BCOR: variants seen among roughly 807,000 people sequenced by gnomAD.
BCOR encodes BCL6 corepressor.
BCOR carries 10 observed loss-of-function variants against 86.7 expected under a neutral mutation model. The ratio of observed to expected loss-of-function variants is 0.12; its 90% CI spans 0.07 to 0.20. The LOEUF (loss-of-function observed/expected upper bound fraction) is 0.20, where lower values mean the gene tolerates loss of function less well. BCOR is among the 10% of genes least tolerant of loss of function. The pLI is 1.00. For synonymous variants in BCOR, 611 were observed against 609.0 expected, an observed-to-expected ratio of 1.00 and a Z score of -0.05; for missense variants, 1,259 against 1,452.1, an observed-to-expected ratio of 0.87 and a Z score of 2.16.
chrX:40,054,108 C>T (rs1934466352), intron 13 of BCOR, 66 bp from the exon 14 acceptor site: 1 of 1,158,452 alleles, frequency 8.6e-7, no homozygotes. Flanking sequence ...CAGTTGTCAA[C>T]AACAACAAGG....
chrX:40,145,132 C>A (rs900512849), intron 1 of BCOR, among the ~76,000 whole-genome samples: 5 of 111,376 alleles, frequency 4.5e-5, no homozygotes, highest in African/African-American at 9.8e-5. Flanking sequence ...ACGGAGCTGC[C>A]AGGAGTCGGG....
chrX:40,112,826 TTAGA>T (rs1937333195), intron 1 of BCOR, among the ~76,000 whole-genome samples: 1 of 111,295 alleles, frequency 9.0e-6, no homozygotes, highest in Non-Finnish European at 1.9e-5. Flanking sequence ...CAAATGTCTC[TTAGA>T]TAGAGAAGAG....
chrX:40,073,932 C>T lies in BCOR; in HGVS notation c.1414G>A (p.Gly472Arg). The stretch of plus-strand genomic sequence containing the variant: ...CTTCCGGAGAGCACTAAGCCACTTC[C>T]AGCCCTGCTGTGAACCAGGACCGTG... Reference protein sequence around the residue: ...APTVLVHSRAGSGLVLSGSEI... With the variant: ...APTVLVHSRARSGLVLSGSEI... Residue 472 changes from glycine to arginine, a missense_variant, in exon 4 of 15, where the codon GGA becomes AGA. Gly to Arg is a moderately radical substitution (Grantham distance 125). Transcript: ENST00000378444. The T allele has an allele frequency of 8.2e-7, 1 of 1,212,414 alleles. No homozygotes were observed. The highest frequency in any genetic ancestry group is 1.1e-6 in the Non-Finnish European group (1 of 895,665).
intron 10 of BCOR, 68 bp downstream of exon 10, chrX:40,062,071 T>C (rs1934903054): frequency 1.6e-5 from 18 of 1,147,646 alleles, no homozygotes; most frequent in Non-Finnish European, 2.1e-5. Context: ...GTCCCTCCCC[T>C]CGCCCACCAC....
chrX:40,092,905 G>A (rs1936684061), intron 1 of BCOR, among the ~76,000 whole-genome samples: 1 of 112,375 alleles, frequency 8.9e-6, no homozygotes, highest in African/African-American at 3.2e-5. Context: ...TACCCAAGTC[G>A]GTCTCACTCA....
chrX:40,077,956 T>C lies in BCOR; in HGVS notation c.-27A>G, dbSNP rs1935893245. ...TCGTCTTCTGGGATGGCAGCTTTGC[T>C]TCAAGCGTCTAGTCTGTTAAAAGGA... On this transcript the variant is annotated 5_prime_UTR_variant, in exon 2 of 15. Transcript: ENST00000378444. 1 of 1,145,075 alleles carries C rather than the reference T, an allele frequency of 8.7e-7. No individual in the cohort carries two copies. Among genetic ancestry groups the C allele is most frequent in the African/African-American group, 1.8e-5 (1 of 56,231 alleles). The allele number at this position is 1,145,075 out of a possible 1,213,427, so 94.4% of individuals were successfully genotyped here.
At chrX:40,135,357 T>C (rs1032101579) in intron 1 of BCOR, among the ~76,000 whole-genome samples, 2 of 110,636 alleles carry the variant, frequency 1.8e-5, no homozygotes, top group Non-Finnish European at 3.8e-5. Context: ...AAGAAAGGTC[T>C]CCATTCCATC....
intron 1 of BCOR, among the ~76,000 whole-genome samples, chrX:40,105,096 T>G (rs1937148782): frequency 9.0e-6 from 1 of 110,863 alleles, no homozygotes; most frequent in South Asian, 3.6e-4. Context: ...GCCCGCCATA[T>G]CAGCAGCAGC....
chrX:40,126,330 C>T (rs1460381204), intron 1 of BCOR, among the ~76,000 whole-genome samples: 2 of 109,264 alleles, frequency 1.8e-5, no homozygotes, highest in African/African-American at 6.7e-5. Context: ...TCGAGACCAG[C>T]CTGGCTAACA....
intron 1 of BCOR, among the ~76,000 whole-genome samples, chrX:40,091,594 A>G (rs1602198480): frequency 8.8e-6 from 1 of 113,106 alleles, no homozygotes; most frequent in Admixed American, 9.2e-5. Context: ...TCCACCCAAC[A>G]AAAAGTAAGA....
At chrX:40,138,405 T>C (rs1167513787) in intron 1 of BCOR, among the ~76,000 whole-genome samples, 2 of 111,977 alleles carry the variant, frequency 1.8e-5, no homozygotes, top group Non-Finnish European at 3.8e-5. Context: ...GTCTCTCTCA[T>C]GGTTACCAAG....
rs190248708 is a variant in BCOR at position 40,174,182 on chromosome X, C to T, written c.-41+2825G>A. On this transcript the variant is annotated intron_variant, in intron 1 of 14. Coordinates refer to the BCOR transcript ENST00000342274. ...AAGTGGCTACCGGCGTTTGCCTAAT[C>T]ACTGAAATGTGCTGGCAGTGCGCTC... is the stretch of plus-strand genomic sequence containing the variant. Among the ~76,000 whole-genome samples the T allele has an allele frequency of 5.7e-3, 641 of 112,770 alleles. 4 individuals carry two copies. The highest frequency in any genetic ancestry group is 0.02 in the African/African-American group (610 of 31,125).
intron 1 of BCOR, among the ~76,000 whole-genome samples, chrX:40,166,369 C>A (rs1186173952): frequency 8.9e-6 from 1 of 112,111 alleles, no homozygotes; most frequent in East Asian, 2.8e-4. Context: ...TGCCCCTTCA[C>A]CCCGGCTCTA....
At chrX:40,104,884 C>T (rs1010807413) in intron 1 of BCOR, among the ~76,000 whole-genome samples, 2 of 111,975 alleles carry the variant, frequency 1.8e-5, no homozygotes, top group East Asian at 5.8e-4. Context: ...CCGAGTTCCC[C>T]TCGGGCGAGC....
upstream of BCOR, among the ~76,000 whole-genome samples, chrX:40,098,780 C>G (rs1053076764): frequency 8.9e-6 from 1 of 111,908 alleles, no homozygotes; most frequent in Admixed American, 9.3e-5. Context: ...AACACCACCC[C>G]AGGCAACGGT....
At chrX:40,056,281 T>TAAAAAAAAAAAAAAAA (rs60712024) in intron 11 of BCOR, among the ~76,000 whole-genome samples, 1 of 61,451 alleles carries the variant, frequency 1.6e-5, no homozygotes. Context: ...TGTCACACAT[T>TAAAAAAAAAAAAAAAA]AAAAAAAAAA....
intron 1 of BCOR, among the ~76,000 whole-genome samples, chrX:40,176,625 A>G (rs1186016461): frequency 4.2e-5 from 4 of 94,288 alleles, no homozygotes; most frequent in Non-Finnish European, 6.4e-5. Context: ...CCCGTGCCGC[A>G]CCACGCGGAG....
chrX:40,126,533 A>C (rs576413158), intron 1 of BCOR, among the ~76,000 whole-genome samples: 17 of 109,525 alleles, frequency 1.6e-4, no homozygotes, highest in Non-Finnish European at 3.2e-4. Flanking sequence ...AAAAAAAAAA[A>C]AAAAGAAAAG....
intron 1 of BCOR, among the ~76,000 whole-genome samples, chrX:40,088,277 G>T (rs1233855078): frequency 1.8e-5 from 2 of 112,709 alleles, no homozygotes; most frequent in Non-Finnish European, 3.7e-5. Flanking sequence ...GCAGTAAGGC[G>T]CATCTTGTCC....
Sources: allele counts gnomAD v4.1 joint callset (sites outside exome capture counted in the v4.1 genomes callset), GRCh38; gene constraint gnomAD v4.1.1; transcripts MANE v1.5; gene names NCBI Gene and HGNC (gene_info 2026-07-23, HGNC 2026-07-21).